TTYH2: variants seen among roughly 807,000 people sequenced by gnomAD.
The protein encoded by TTYH2 is protein tweety homolog 2.
In TTYH2, 49 loss-of-function variants were observed where a neutral mutation model predicts 68.3. That is an observed-to-expected ratio of 0.72 (90% CI 0.57 to 0.91). The LOEUF is 0.91. Among genes scored for constraint, TTYH2 ranks in the 40% least tolerant of loss-of-function variants. The pLI, the probability that TTYH2 is intolerant of heterozygous loss-of-function variation, is 0.00. For synonymous variants in TTYH2, 272 were observed against 300.8 expected (o/e 0.90, Z 0.99); for missense variants, 631 against 700.4 (o/e 0.90, Z 1.12).
At chr17:74,251,054 CTGTGTG>C (rs60781825) in intron 10 of TTYH2, among the ~76,000 whole-genome samples, 3 of 151,178 alleles carry the variant, frequency 2.0e-5, no homozygotes, top group Middle Eastern at 3.4e-3. Context: ...GTGCGTGTGT[CTGTGTG>C]TGTGTGCGTG....
At position 74,222,487 on chromosome 17, in the gene TTYH2, G is replaced by A. The variant is rs145281785; in HGVS notation, c.132G>A (p.Ser44=). ...FSPGDESYQE[S]LLFLGLVAAV... ...AACAGGCCTCTGCTCTCTTCCAGTC[G>A]CTGCTGTTCCTGGGGCTGGTGGCCG... Residue 44 remains serine (S), a splice_region_variant and synonymous_variant, in exon 2 of 14, where the codon TCG becomes TCA. Coordinates refer to ENST00000269346, the MANE Select transcript of TTYH2 (RefSeq NM_032646.6). The surrounding 1 kb of genome is among the most constrained non-coding windows in gnomAD (Gnocchi z 5.2). 7.3e-3 allele frequency: 11,700 copies of A among 1,608,216 alleles called. 55 individuals are homozygous for A. Among genetic ancestry groups the A allele is most frequent in the Non-Finnish European group, 9.1e-3 (10,748 of 1,179,156 alleles).
chr17:74,227,868 T>G (rs548586765), intron 2 of TTYH2, among the ~76,000 whole-genome samples: 2 of 152,042 alleles, frequency 1.3e-5, no homozygotes, highest in South Asian at 2.1e-4. Context: ...GCTGCTTATC[T>G]GCACTTAACA....
At chr17:74,235,184 A>G (rs2143744993) in intron 3 of TTYH2, among the ~76,000 whole-genome samples, 1 of 152,354 alleles carries the variant, frequency 6.6e-6, no homozygotes, top group South Asian at 2.1e-4. Context: ...CGTAGCGCAG[A>G]TGTAAAAGGC....
Position 74,214,510 on chromosome 17 carries a change from G to A in TTYH2, c.129+794G>A, listed in dbSNP as rs1308904649. ...TTAAGCCCTGAATTTCTGGCCTAGG[G>A]CAGTCACTCCCGGCTTCCCCGCCCT... On this transcript the variant is annotated intron_variant, in intron 1 of 13. Coordinates refer to ENST00000269346, the MANE Select transcript of TTYH2 (RefSeq NM_032646.6). This position sits in a 1 kb window ranked among gnomAD's most constrained non-coding sequence, Gnocchi z 4.6. Among the ~76,000 whole-genome samples the A allele has an allele frequency of 2.0e-5, 3 of 152,076 alleles. No homozygotes were observed. The highest frequency in any genetic ancestry group is 2.9e-5 in the Non-Finnish European group (2 of 68,024).
chr17:74,251,781 T>G (rs2050632388), intron 10 of TTYH2: 2 of 165,252 alleles, frequency 1.2e-5, no homozygotes, highest in African/African-American at 4.8e-5. Flanking sequence ...TTCTGACTCC[T>G]TTTAAAAGTC....
chr17:74,247,178 T>G, intron 6 of TTYH2, among the ~76,000 whole-genome samples: 1 of 125,460 alleles, frequency 8.0e-6, no homozygotes, highest in Non-Finnish European at 1.6e-5. Context: ...TGAGACTCTG[T>G]CTCAAAAAAA....
In TTYH2 at chr17:74,261,878, A is replaced by AT. The variant is rs1252305756; in HGVS notation, c.*1671dup. 6.6e-6 allele frequency: 1 copy of AT among 152,448 alleles called. No individual in the cohort carries two copies. Among genetic ancestry groups the AT allele is most frequent in the Non-Finnish European group, 1.5e-5 (1 of 68,046 alleles). 9.4% of individuals were successfully genotyped at this position (152,448 alleles called of 1,614,324 possible). On this transcript the variant is annotated 3_prime_UTR_variant, in exon 14 of 14. Coordinates refer to ENST00000269346, the MANE Select transcript of TTYH2 (RefSeq NM_032646.6). ...TCAAAGTGTTGCTTCTTAAAGTTTC[A>AT]TTATTGGCAACTAGAGGGTTGTTTT...
rs1277648533 is a variant in TTYH2 at position 74,253,278 on chromosome 17, A to C, written c.1445+12A>C. The C allele has an allele frequency of 1.3e-6, 2 of 1,576,554 alleles. No homozygotes were observed. On this transcript the variant is annotated intron_variant, in intron 12 of 13. Coordinates refer to ENST00000269346, the MANE Select transcript of TTYH2 (RefSeq NM_032646.6). ...GTCTCCGAGTACATGTACGGCCTGC[A>C]CACACACCCAGGCTGGGTAGCACTG...
Position 74,260,214 on chromosome 17 carries a change from C to G in TTYH2, c.*5C>G. ...GGGAATCAGTTTCCAGCCTAACAGA[C>G]TTTCGGGGGTTCCTGCCTCCTTTTT... On this transcript the variant is annotated 3_prime_UTR_variant, in exon 14 of 14. Coordinates refer to ENST00000269346, the MANE Select transcript of TTYH2 (RefSeq NM_032646.6). 6.2e-7 allele frequency: 1 copy of G among 1,613,902 alleles called. No individual in the cohort carries two copies. The highest frequency in any genetic ancestry group is 8.5e-7 in the Non-Finnish European group (1 of 1,179,860).
chr17:74,253,839 T>A lies in TTYH2; in HGVS notation c.1524+6T>A. ...GAGCCTCCCCTCCGCCTACGGTAAT[T>A]GGGGCTCTGGCCCTTCCTTGTTGGG... On this transcript the variant is annotated splice_donor_region_variant and intron_variant, in intron 13 of 13. Transcript: ENST00000269346. 2.5e-6 allele frequency: 4 copies of A among 1,614,152 alleles called. No homozygotes were observed. The highest frequency in any genetic ancestry group is 3.4e-6 in the Non-Finnish European group (4 of 1,179,968).
rs2050403530 is a variant in TTYH2 at position 74,232,820 on chromosome 17, C to G, written c.414+1821C>G. Among the ~76,000 whole-genome samples the G allele has an allele frequency of 6.6e-6, 1 of 152,198 alleles. No individual in the cohort carries two copies. The highest frequency in any genetic ancestry group is 2.1e-4 in the South Asian group (1 of 4,828). ...ACTCCCTTATGGGAAAACATCAAGTCCTAGAAGTCCCTATCCCACAGGACG... is the reference window on the plus strand; with the variant it reads ...ACTCCCTTATGGGAAAACATCAAGTGCTAGAAGTCCCTATCCCACAGGACG... On this transcript the variant is annotated intron_variant, in intron 3 of 13. Coordinates refer to ENST00000269346, the MANE Select transcript of TTYH2 (RefSeq NM_032646.6). This position sits in a 1 kb window ranked among gnomAD's most constrained non-coding sequence, Gnocchi z 5.1.
In TTYH2 at chr17:74,215,834, C is replaced by A; in HGVS notation, c.129+2118C>A. On this transcript the variant is annotated intron_variant, in intron 1 of 13. Coordinates refer to ENST00000269346, the MANE Select transcript of TTYH2 (RefSeq NM_032646.6). The surrounding 1 kb of genome is among the most constrained non-coding windows in gnomAD (Gnocchi z 4.3). ...CAGTCTTCAGCAAGCTTGACTGGAG[C>A]AAGTGCTATGCCAGGCGTGGGGTGA... 2.0e-6 allele frequency: 2 copies of A among 990,414 alleles called. No individual in the cohort carries two copies. The highest frequency in any genetic ancestry group is 1.5e-5 in the South Asian group (1 of 68,952). The allele number at this position is 990,414 out of a possible 1,614,324, so 61.4% of individuals were successfully genotyped here. A position where few individuals can be genotyped will look rare whatever the true frequency, so the allele number is the denominator to read the frequency against.
In TTYH2 at chr17:74,217,827, G is replaced by A. The variant is rs117322950; in HGVS notation, c.129+4111G>A. On this transcript the variant is annotated intron_variant, in intron 1 of 13. Transcript: ENST00000269346. The surrounding 1 kb of genome is among the most constrained non-coding windows in gnomAD (Gnocchi z 4.0). ...GTCCCAGCTTGGCACTCTCCGCTCTGGGTTTTTCATGACACAGTGACAAAT... is the reference window on the plus strand; with the variant it reads ...GTCCCAGCTTGGCACTCTCCGCTCTAGGTTTTTCATGACACAGTGACAAAT... Among the ~76,000 whole-genome samples the A allele has an allele frequency of 4.9e-3, 747 of 152,242 alleles. 1 individual carries two copies. Among genetic ancestry groups the A allele is most frequent in the Non-Finnish European group, 7.5e-3 (513 of 68,022 alleles).
chr17:74,249,053 A>G lies in TTYH2; in HGVS notation c.847A>G (p.Asn283Asp). 1 of 1,614,046 alleles carries G rather than the reference A, an allele frequency of 6.2e-7. No individual in the cohort carries two copies. The highest frequency in any genetic ancestry group is 8.5e-7 in the Non-Finnish European group (1 of 1,179,996). Reference sequence around the variant, plus strand: ...TGTGGCTCCTGACACCTTCATCCTGAACGTCACGGAGGGCCAGATCAGCAC... The same window carrying G: ...TGTGGCTCCTGACACCTTCATCCTGGACGTCACGGAGGGCCAGATCAGCAC... ...FCVAPDTFIL[N>D]VTEGQISTEV... The change falls in exon 7 of 14, where the codon AAC (asparagine) becomes GAC (aspartate). Residue 283 changes from asparagine (N) to aspartate (D), a missense_variant. Coordinates refer to ENST00000269346, the MANE Select transcript of TTYH2 (RefSeq NM_032646.6).
rs115828901 is a variant in TTYH2, at chr17:74,258,274, T to C, written c.1525-1855T>C. Among the ~76,000 whole-genome samples the C allele has an allele frequency of 3.2e-3, 494 of 152,184 alleles. 3 individuals are homozygous for C. The highest frequency in any genetic ancestry group is 0.01 in the African/African-American group (423 of 41,514). The stretch of plus-strand genomic sequence containing the variant: ...TTGGAGCCTGGAGATGTGCCTTTTT[T>C]GTTTTTTTGAGACTGAGTTTCACTC... On this transcript the variant is annotated intron_variant, in intron 13 of 13. Transcript: ENST00000269346.
chr17:74,225,774 A>G (rs2050323501), intron 2 of TTYH2, among the ~76,000 whole-genome samples: 1 of 152,228 alleles, frequency 6.6e-6, no homozygotes, highest in African/African-American at 2.4e-5. Context: ...CCATCGGCAG[A>G]AGCCAGCTGG....
Position 74,243,038 on chromosome 17 carries a change from C to T in TTYH2, c.636-336C>T, listed in dbSNP as rs1218526882. ...TTGCACAAGCCATATTTCAAGTTCT[C>T]GGTAGCCACCTGTGGGTAGTGGCAA... is the stretch of plus-strand genomic sequence containing the variant. On this transcript the variant is annotated intron_variant, in intron 4 of 13. Coordinates refer to ENST00000269346, the MANE Select transcript of TTYH2 (RefSeq NM_032646.6). Among the ~76,000 whole-genome samples, 8 of 152,158 alleles carry T rather than the reference C, an allele frequency of 5.3e-5. No homozygotes were observed. The East Asian group carries it at 9.6e-4, about 18-fold the overall frequency.
chr17:74,234,362 G>A (rs568314799), intron 3 of TTYH2, among the ~76,000 whole-genome samples: 1 of 152,348 alleles, frequency 6.6e-6, no homozygotes, highest in East Asian at 1.9e-4. Context: ...TTCCGTGAGA[G>A]AGAGCCTGAT....
At chr17:74,253,036 C>T in intron 11 of TTYH2, 45 bp from the exon 12 acceptor site, 1 of 1,603,956 alleles carries the variant, frequency 6.2e-7, no homozygotes, top group Non-Finnish European at 8.5e-7. Context: ...GCCTCGGAGC[C>T]TCCTTCACCC....
Sources: allele counts gnomAD v4.1 joint callset (sites outside exome capture counted in the v4.1 genomes callset), GRCh38; gene constraint gnomAD v4.1.1; non-coding constraint Gnocchi (gnomAD v3.1); transcripts MANE v1.5; gene names NCBI Gene and HGNC (gene_info 2026-07-23, HGNC 2026-07-21).